The following WNT16 variants were observed in gnomAD, a reference collection of about 807,000 sequenced individuals.
WNT16 encodes Wnt family member 16.
A neutral mutation model predicts 35.4 loss-of-function variants in WNT16; 20 were observed. The observed-to-expected ratio is 0.56, with a 90% CI of 0.40 to 0.82. The LOEUF is 0.82. WNT16 is among the 40% of genes least tolerant of loss of function. The pLI, the probability that WNT16 is intolerant of heterozygous loss-of-function variation, is 0.00. For missense variants in WNT16, 461 were observed against 466.0 expected, an observed-to-expected ratio of 0.99 and a Z score of 0.10; for synonymous variants, 180 against 179.2, an observed-to-expected ratio of 1.00 and a Z score of -0.03.
upstream of WNT16, chr7:121,325,593 A>G (rs979481510): frequency 6.5e-5 from 63 of 971,734 alleles, no homozygotes; most frequent in Non-Finnish European, 9.5e-5. Flanking sequence ...TTTGACCCAA[A>G]GACACGGTAA....
At chr7:121,325,607 G>A, upstream of WNT16, 2 of 797,500 alleles carry the variant, frequency 2.5e-6, no homozygotes, top group Non-Finnish European at 3.8e-6. Context: ...ACGGTAATCT[G>A]AGTTTTAAGA....
Position 121,329,647 on chromosome 7 carries a change from T to G in WNT16, c.176T>G (p.Leu59Arg). 6.2e-7 allele frequency: 1 copy of G among 1,614,170 alleles called. No individual in the cohort carries two copies. ...CCGCTGAACAGCCGCCAGAAGGAGC[T>G]GTGCAAGAGGAAACCGTACCTGCTG... ...NLPLNSRQKE[L>R]CKRKPYLLPS... Residue 59 changes from leucine to arginine, a missense_variant, in exon 2 of 4, where the codon CTG becomes CGG. Coordinates refer to ENST00000222462, the MANE Select transcript of WNT16 (RefSeq NM_057168.2).
At chr7:121,327,162 A>T (rs1476438059), upstream of WNT16, among the ~76,000 whole-genome samples, 2 of 152,178 alleles carry the variant, frequency 1.3e-5, no homozygotes, top group Admixed American at 1.3e-4. Context: ...TTTCTGGATC[A>T]GTATCTACAT....
At position 121,338,495 on chromosome 7, in the gene WNT16, G is replaced by A. The variant is rs575530507; in HGVS notation, c.634-386G>A. On this transcript the variant is annotated intron_variant, in intron 3 of 3. Coordinates refer to ENST00000222462, the MANE Select transcript of WNT16 (RefSeq NM_057168.2). ...GTCCCTGAGCTGTATTCTGAGTAAC[G>A]AGGTGTTGAATGGTATCAGGAACAT... Among the ~76,000 whole-genome samples the A allele has an allele frequency of 1.2e-3, 176 of 152,282 alleles. 1 individual carries two copies. The highest frequency in any genetic ancestry group is 1.8e-3 in the Non-Finnish European group (125 of 68,020).
At chr7:121,334,350 T>TTA (rs1332685044) in intron 3 of WNT16, among the ~76,000 whole-genome samples, 2 of 152,100 alleles carry the variant, frequency 1.3e-5, no homozygotes, top group Non-Finnish European at 2.9e-5. Flanking sequence ...TCTTGAGGTA[T>TTA]TATAATTCAA....
In WNT16 at chr7:121,329,830, T is replaced by C. The variant is rs1562874936; in HGVS notation, c.346+13T>C. On this transcript the variant is annotated intron_variant, in intron 2 of 3. Transcript: ENST00000222462. ...GAGCTGAGCAGCGGTGAGTCCTGGG[T>C]CCTTAGGGGTTGGTGGGGGACGGAA... 1 of 1,596,662 alleles carries C rather than the reference T, an allele frequency of 6.3e-7. No individual in the cohort carries two copies.
At chr7:121,329,533 G>A in intron 1 of WNT16, 34 bp from the exon 2 acceptor site, 1 of 1,608,236 alleles carries the variant, frequency 6.2e-7, no homozygotes, top group Non-Finnish European at 8.5e-7. Flanking sequence ...GAATTGGGGA[G>A]CGGCTTAACG....
upstream of WNT16, among the ~76,000 whole-genome samples, chr7:121,328,510 A>T (rs778252778): frequency 6.6e-5 from 10 of 152,132 alleles, no homozygotes; most frequent in Non-Finnish European, 1.0e-4. Flanking sequence ...CCACTCTCTA[A>T]AGTCTCCTGA....
At chr7:121,332,032 G>T in intron 3 of WNT16, 68 bp downstream of exon 3, 1 of 1,553,026 alleles carries the variant, frequency 6.4e-7, no homozygotes, top group Non-Finnish European at 8.7e-7. Context: ...TTACACATCT[G>T]CATGAAACTG....
chr7:121,336,598 G>A (rs952847512), intron 3 of WNT16, among the ~76,000 whole-genome samples: 6 of 152,174 alleles, frequency 3.9e-5, no homozygotes, highest in Admixed American at 3.9e-4. Context: ...TTGAAAGAGA[G>A]AGCCCAGCCG....
upstream of WNT16, among the ~76,000 whole-genome samples, chr7:121,327,772 T>G (rs1341568264): frequency 1.3e-5 from 2 of 152,248 alleles, no homozygotes; most frequent in African/African-American, 4.8e-5. Context: ...GAAACATTTC[T>G]TGTGTCTAAT....
rs1281636196 is a variant in WNT16, at chr7:121,335,931, ATATT to A, written c.634-2945_634-2942del. 3.3e-5 allele frequency among the ~76,000 whole-genome samples: 5 copies of A among 152,102 alleles called. No homozygotes were observed. In the South Asian group the frequency reaches 8.3e-4, roughly 25 times the overall value. ...TTCCTCTAAAACTAAATCAGGTAAA[ATATT>A]TATTAAAATATGCTCTGAGAAGCAG... On this transcript the variant is annotated intron_variant, in intron 3 of 3. Coordinates refer to ENST00000222462, the MANE Select transcript of WNT16 (RefSeq NM_057168.2).
chr7:121,333,016 A>T (rs1793378774), intron 3 of WNT16, among the ~76,000 whole-genome samples: 1 of 152,074 alleles, frequency 6.6e-6, no homozygotes, highest in Admixed American at 6.5e-5. Context: ...TGACTTTTCT[A>T]AAAAAGTCTA....
Position 121,338,900 on chromosome 7 carries a change from C to A in WNT16, c.653C>A (p.Ser218Ter). Residue 218 changes from serine to a stop codon, truncating the protein, a stop_gained, in exon 4 of 4, where the codon TCA becomes TAA. Transcript: ENST00000222462. LOFTEE classifies it high-confidence loss of function. The stretch of plus-strand genomic sequence containing the variant: ...TTTCAGGCTGTCGCCAAGTTGATGT[C>A]AGTAGACTGCCGCTGCCACGGAGTT... ...AGRQAVAKLM[S>*]VDCRCHGVSG... The A allele has an allele frequency of 1.2e-6, 2 of 1,613,492 alleles. No individual in the cohort carries two copies. Among genetic ancestry groups the A allele is most frequent in the South Asian group, 2.2e-5 (2 of 91,032 alleles).
Position 121,339,285 on chromosome 7 carries a change from G to GGT in WNT16, c.1038_1039insGT (p.Cys347ValfsTer13). Reference sequence around the variant, plus strand: ...AGAGGTGTGAGTGTAAGTTCATCTGGTGCTGCTATGTCCGTTGCAGGAGGT... The same window carrying GGT: ...AGAGGTGTGAGTGTAAGTTCATCTGGGTTGCTGCTATGTCCGTTGCAGGAGGT... On this transcript the variant is annotated frameshift_variant, in exon 4 of 4. Coordinates refer to ENST00000222462, the MANE Select transcript of WNT16 (RefSeq NM_057168.2). LOFTEE classifies it high-confidence loss of function. 6.2e-7 allele frequency: 1 copy of GGT among 1,614,138 alleles called. No individual in the cohort carries two copies. Among genetic ancestry groups the GGT allele is most frequent in the Non-Finnish European group, 8.5e-7 (1 of 1,180,024 alleles).
chr7:121,338,932 T>C lies in WNT16; in HGVS notation c.685T>C (p.Ser229Pro). The C allele has an allele frequency of 1.9e-6, 3 of 1,614,148 alleles. No individual in the cohort carries two copies. The highest frequency in any genetic ancestry group is 2.5e-6 in the Non-Finnish European group (3 of 1,180,016). ...CTGCCGCTGCCACGGAGTTTCCGGC[T>C]CCTGTGCTGTGAAAACATGCTGGAA... ...VDCRCHGVSG[S>P]CAVKTCWKTM... is the part of the protein sequence containing the mutation. The change falls in exon 4 of 4, where the codon TCC becomes CCC. Residue 229 changes from serine (S) to proline (P), a missense_variant. Transcript: ENST00000222462.
intron 2 of WNT16, among the ~76,000 whole-genome samples, chr7:121,330,300 G>C (rs2116832510): frequency 6.6e-6 from 1 of 152,374 alleles, no homozygotes. Flanking sequence ...CGAGTTGACA[G>C]AATAATGGTG....
In WNT16 at chr7:121,331,865, C is replaced by T; in HGVS notation, c.534C>T (p.Phe178=). The T allele has an allele frequency of 6.2e-7, 1 of 1,614,112 alleles. No individual in the cohort carries two copies. Among genetic ancestry groups the T allele is most frequent in the Non-Finnish European group, 8.5e-7 (1 of 1,180,038 alleles). ...ATGATGTCCAGTATGGCATGTGGTT[C>T]AGCAGAAAGTTCCTAGATTTCCCCA... is the stretch of plus-strand genomic sequence containing the variant. The part of the protein sequence containing the change: ...CSDDVQYGMW[F]SRKFLDFPIG... The change falls in exon 3 of 4, where the codon TTC becomes TTT. Residue 178 remains phenylalanine, a synonymous_variant. Transcript: ENST00000222462.
At chr7:121,328,666 G>T (rs1402397725), upstream of WNT16, among the ~76,000 whole-genome samples, 2 of 152,220 alleles carry the variant, frequency 1.3e-5, no homozygotes, top group Non-Finnish European at 1.5e-5. Context: ...TAACCCAGAT[G>T]TTGGTGGGAT....
Sources: allele counts gnomAD v4.1 joint callset (sites outside exome capture counted in the v4.1 genomes callset), GRCh38; gene constraint gnomAD v4.1.1; transcripts MANE v1.5; gene names NCBI Gene and HGNC (gene_info 2026-07-23, HGNC 2026-07-21).